Variants in ITPR2 observed in about 807,000 individuals in gnomAD.
ITPR2 encodes the protein inositol 1,4,5-trisphosphate-gated calcium channel ITPR2.
ITPR2 carries 207 observed loss-of-function variants against 317.1 expected under a neutral mutation model. The ratio of observed to expected loss-of-function variants is 0.65; its 90% CI spans 0.58 to 0.73. ITPR2 has a LOEUF of 0.73. ITPR2 is among the 30% of genes least tolerant of loss of function. The probability of loss-of-function intolerance (pLI) is 0.00; values close to 1 mark genes in which losing one functional copy is unlikely to be tolerated. For missense variants in ITPR2, 2,613 were observed against 3,284.0 expected (o/e 0.80, Z 4.99); for synonymous variants, 1,156 against 1,149.1 (o/e 1.01, Z -0.12).
At chr12:26,386,911 A>G (rs1939683255) in intron 55 of ITPR2, among the ~76,000 whole-genome samples, 1 of 152,198 alleles carries the variant, frequency 6.6e-6, no homozygotes, top group East Asian at 1.9e-4. Context: ...TGGCAGGATC[A>G]GTGCAAATTC....
chr12:26,644,011 C>T (rs982013221), intron 21 of ITPR2, among the ~76,000 whole-genome samples: 1 of 152,146 alleles, frequency 6.6e-6, no homozygotes, highest in African/African-American at 2.4e-5. Flanking sequence ...TGCTATTTAT[C>T]ATGACAATGG....
chr12:26,410,340 A>T (rs1203965043), intron 52 of ITPR2, among the ~76,000 whole-genome samples: 1 of 152,144 alleles, frequency 6.6e-6, no homozygotes, highest in East Asian at 1.9e-4. Context: ...GATGGAATGT[A>T]TTCATGTGCT....
Position 26,447,977 on chromosome 12 carries a change from T to G in ITPR2, c.6343-4327A>C, listed in dbSNP as rs118142038. Among the ~76,000 whole-genome samples, 904 of 142,956 alleles carry G rather than the reference T, an allele frequency of 6.3e-3. 3 individuals are homozygous for G. Among genetic ancestry groups the G allele is most frequent in the Non-Finnish European group, 7.6e-3 (499 of 65,742 alleles). 93.8% of individuals were successfully genotyped at this position (142,956 alleles called of 152,430 possible). Reference sequence around the variant, plus strand: ...ATCTACTCCACAGTTTTATATGCCATGTACCCTTTTACATGACTTTTTTTT... The same window carrying G: ...ATCTACTCCACAGTTTTATATGCCAGGTACCCTTTTACATGACTTTTTTTT... On this transcript the variant is annotated intron_variant, in intron 45 of 56. Transcript: ENST00000381340.
intron 21 of ITPR2, among the ~76,000 whole-genome samples, chr12:26,650,411 C>T (rs1947221035): frequency 6.6e-6 from 1 of 152,064 alleles, no homozygotes; most frequent in African/African-American, 2.4e-5. Flanking sequence ...GAATGTGCAA[C>T]ACCAAGAGTG....
intron 2 of ITPR2, among the ~76,000 whole-genome samples, chr12:26,738,740 T>C (rs773831025): frequency 3.3e-5 from 5 of 152,124 alleles, no homozygotes; most frequent in Non-Finnish European, 7.4e-5. Flanking sequence ...CTCCAATATT[T>C]CCTTTATCAA....
rs757612141 is a variant in ITPR2 at position 26,600,125 on chromosome 12, T to C, written c.3679-16A>G. ...TTTCATCATTCTGTAAGTTAAAGAA[T>C]AGCACATGATAGAAACAAACATAGG... On this transcript the variant is annotated splice_polypyrimidine_tract_variant and intron_variant, in intron 28 of 56. Transcript: ENST00000381340. 3 of 1,596,426 alleles carry C rather than the reference T, an allele frequency of 1.9e-6. No individual in the cohort carries two copies. The highest frequency in any genetic ancestry group is 2.7e-5 in the African/African-American group (2 of 74,498).
At chr12:26,443,719 T>C in intron 45 of ITPR2, 69 bp from the exon 46 acceptor site, 2 of 1,180,666 alleles carry the variant, frequency 1.7e-6, no homozygotes, top group Non-Finnish European at 2.5e-6. Context: ...CTTTGCAATA[T>C]CTTTGTCTAC....
At chr12:26,414,212 T>C (rs1160309186) in intron 51 of ITPR2, among the ~76,000 whole-genome samples, 1 of 152,136 alleles carries the variant, frequency 6.6e-6, no homozygotes, top group Non-Finnish European at 1.5e-5. Flanking sequence ...TACCTAGGTA[T>C]AAAATTCAGG....
chr12:26,596,782 A>G lies in ITPR2; in HGVS notation c.4254+101T>C, dbSNP rs1162247117. ...ATACAATTCCCTGACTAAATATATGATCTCATTATAAATATTAGTATGGGG... is the reference window on the plus strand; with the variant it reads ...ATACAATTCCCTGACTAAATATATGGTCTCATTATAAATATTAGTATGGGG... On this transcript the variant is annotated intron_variant, in intron 31 of 56. Transcript: ENST00000381340. The G allele has an allele frequency of 1.2e-5, 11 of 911,938 alleles. No individual in the cohort carries two copies. In the African/African-American group the frequency reaches 1.9e-4, roughly 15 times the overall value. 56.5% of individuals were successfully genotyped at this position (911,938 alleles called of 1,614,324 possible).
intron 48 of ITPR2, among the ~76,000 whole-genome samples, chr12:26,430,494 C>G (rs7310358): frequency 6.6e-6 from 1 of 152,162 alleles, no homozygotes; most frequent in African/African-American, 2.4e-5. Context: ...GAACTCCTGA[C>G]CTCAGGTGAT....
In ITPR2 at chr12:26,487,206, A is replaced by ATT; in HGVS notation, c.5414_5415dup (p.Phe1806AsnfsTer10). The ATT allele has an allele frequency of 6.2e-7, 1 of 1,606,290 alleles. No individual in the cohort carries two copies. Among genetic ancestry groups the ATT allele is most frequent in the Non-Finnish European group, 8.5e-7 (1 of 1,178,020 alleles). On this transcript the variant is annotated frameshift_variant, in exon 40 of 57. Coordinates refer to ENST00000381340, the MANE Select transcript of ITPR2 (RefSeq NM_002223.4). LOFTEE classifies it high-confidence loss of function. ...ATTCGATCATAGAGAACTTTAAAGA[A>ATT]TTTTTCTGACTTTTTTTGTTCATGC...
At chr12:26,619,789 CA>C (rs1946453932) in intron 26 of ITPR2, among the ~76,000 whole-genome samples, 1 of 152,070 alleles carries the variant, frequency 6.6e-6, no homozygotes, top group Non-Finnish European at 1.5e-5. Context: ...TCATGTTGTT[CA>C]TATTTTCCCA....
chr12:26,569,836 T>C (rs1217428379), intron 34 of ITPR2, among the ~76,000 whole-genome samples: 1 of 152,226 alleles, frequency 6.6e-6, no homozygotes, highest in African/African-American at 2.4e-5. Flanking sequence ...GACATTCTCC[T>C]ACATTGCTGG....
Position 26,483,767 on chromosome 12 carries a change from A to G in ITPR2, c.5943T>C (p.Asn1981=), listed in dbSNP as rs763236152. Residue 1981 remains asparagine (N), a synonymous_variant, in exon 42 of 57, where the codon AAT becomes AAC. Coordinates refer to ENST00000381340, the MANE Select transcript of ITPR2 (RefSeq NM_002223.4). The part of the protein sequence containing the change: ...GLLGLYINEK[N]VALVNQNLES... The stretch of plus-strand genomic sequence containing the variant: ...CCAGGTTCTGGTTGACCAGCGCTAC[A>G]TTCTTCTCATTGATGTAGAGACCCA... The G allele has an allele frequency of 1.9e-6, 3 of 1,614,138 alleles. No homozygotes were observed. The highest frequency in any genetic ancestry group is 2.2e-5 in the East Asian group (1 of 44,882).
At chr12:26,688,356 T>C (rs1444430353) in intron 10 of ITPR2, among the ~76,000 whole-genome samples, 2 of 152,132 alleles carry the variant, frequency 1.3e-5, no homozygotes, top group Non-Finnish European at 2.9e-5. Context: ...TCTGAATTTA[T>C]ACAAAGCTTC....
At chr12:26,762,006 G>T (rs1229494041) in intron 2 of ITPR2, among the ~76,000 whole-genome samples, 1 of 152,052 alleles carries the variant, frequency 6.6e-6, no homozygotes, top group African/African-American at 2.4e-5. Flanking sequence ...TATAGAAGGT[G>T]AGCTCAAAGG....
At chr12:26,799,218 A>G (rs1308979902) in intron 1 of ITPR2, among the ~76,000 whole-genome samples, 1 of 152,196 alleles carries the variant, frequency 6.6e-6, no homozygotes, top group Non-Finnish European at 1.5e-5. Context: ...TTTTTCCATG[A>G]AAGACATAAT....
At chr12:26,419,794 T>C (rs1003015657) in intron 49 of ITPR2, 2 of 152,122 alleles carry the variant, frequency 1.3e-5, no homozygotes, top group Non-Finnish European at 2.9e-5. Flanking sequence ...CAGAGATCTG[T>C]TCTTGATTTT....
chr12:26,495,497 G>C (rs1942912732), intron 37 of ITPR2: 2 of 412,198 alleles, frequency 4.9e-6, no homozygotes, highest in Non-Finnish European at 8.8e-6. Flanking sequence ...GTGACGAACA[G>C]GTTTATGGCA....
Sources: allele counts gnomAD v4.1 joint callset (sites outside exome capture counted in the v4.1 genomes callset), GRCh38; gene constraint gnomAD v4.1.1; transcripts MANE v1.5; gene names NCBI Gene and HGNC (gene_info 2026-07-23, HGNC 2026-07-21).